Variants in RBM10 observed in about 807,000 individuals in gnomAD.
RBM10 encodes RNA-binding protein 10.
Under a neutral mutation model 84.9 loss-of-function variants are expected in RBM10, and 1 was observed. That is an observed-to-expected ratio of 0.01 (90% confidence interval 0.00 to 0.06). The LOEUF is 0.06. Among genes scored for constraint, RBM10 ranks in the 10% least tolerant of loss-of-function variants. The pLI is 1.00. For synonymous variants in RBM10, 326 were observed against 344.5 expected (o/e 0.95, Z 0.60); for missense variants, 438 against 839.0 (o/e 0.52, Z 5.90).
intron 2 of RBM10, among the ~76,000 whole-genome samples, chrX:47,152,734 A>G (rs1932839494): frequency 9.8e-6 from 1 of 102,420 alleles, no homozygotes; most frequent in Non-Finnish European, 2.0e-5. Context: ...GGCGTGAGCT[A>G]CCGCGCCTGG....
Position 47,180,428 on chromosome X carries a change from C to A in RBM10, c.1170C>A (p.Ala390=), listed in dbSNP as rs782207567. The A allele has an allele frequency of 8.3e-7, 1 of 1,206,234 alleles. No homozygotes were observed. The highest frequency in any genetic ancestry group is 1.1e-6 in the Non-Finnish European group (1 of 893,114). The change falls in exon 12 of 24, where the codon GCC becomes GCA. Residue 390 remains alanine (A), a synonymous_variant. Coordinates refer to ENST00000377604, the MANE Select transcript of RBM10 (RefSeq NM_005676.5). The part of the protein sequence containing the change: ...EFAKGSKRDM[A]SNEGSRISAA... ...CTAACATCCTCCTCAGGGACATGGCCTCCAATGAAGGCAGTCGCATCAGTG... is the reference window on the plus strand; with the variant it reads ...CTAACATCCTCCTCAGGGACATGGCATCCAATGAAGGCAGTCGCATCAGTG...
Position 47,179,089 on chromosome X carries a change from C to A in RBM10, c.664-14C>A, listed in dbSNP as rs1556777416. 1.7e-6 allele frequency: 2 copies of A among 1,206,249 alleles called. No homozygotes were observed. Among genetic ancestry groups the A allele is most frequent in the African/African-American group, 3.5e-5 (2 of 57,756 alleles). On this transcript the variant is annotated splice_polypyrimidine_tract_variant and intron_variant, in intron 7 of 23. Coordinates refer to ENST00000377604, the MANE Select transcript of RBM10 (RefSeq NM_005676.5). ...ATCCCTGCTCCCTCTGACGGCCTGG[C>A]CTGTGCCTCACAGTGTGGCGTCCAG...
chrX:47,155,498 T>C (rs1933026736), intron 2 of RBM10, among the ~76,000 whole-genome samples: 1 of 109,545 alleles, frequency 9.1e-6, no homozygotes, highest in Non-Finnish European at 1.9e-5. Context: ...TTTGGGAGGC[T>C]GAGGTGGGCA....
rs149334023 is a variant in RBM10, at chrX:47,149,647, A to T, written c.17+2149A>T. Among the ~76,000 whole-genome samples the T allele has an allele frequency of 9.2e-3, 1,028 of 111,154 alleles. 12 individuals are homozygous for T. Among genetic ancestry groups the T allele is most frequent in the African/African-American group, 0.032 (981 of 30,528 alleles). ...AGTGCTGGGATTATGGGCATGAGCC[A>T]CCACACCCGGCACAGTGCTGTATTT... On this transcript the variant is annotated intron_variant, in intron 2 of 23. Coordinates refer to ENST00000377604, the MANE Select transcript of RBM10 (RefSeq NM_005676.5).
intron 6 of RBM10, among the ~76,000 whole-genome samples, chrX:47,175,992 G>A (rs1220287057): frequency 8.9e-6 from 1 of 112,963 alleles, no homozygotes; most frequent in Non-Finnish European, 1.9e-5. Flanking sequence ...CATGGGCCCA[G>A]GACCCAGCCA....
chrX:47,174,646 T>C, intron 5 of RBM10, among the ~76,000 whole-genome samples: 1 of 110,751 alleles, frequency 9.0e-6, no homozygotes, highest in Non-Finnish European at 1.9e-5. Context: ...CCTCCCTCCT[T>C]CTTTGGAGGC....
intron 2 of RBM10, among the ~76,000 whole-genome samples, chrX:47,160,911 T>TATGA (rs1371631131): frequency 8.9e-6 from 1 of 112,018 alleles, no homozygotes; most frequent in Non-Finnish European, 1.9e-5. Flanking sequence ...ACGGACAATT[T>TATGA]ATGAATGAAT....
chrX:47,156,879 G>T, intron 2 of RBM10: 1 of 200,620 alleles, frequency 5.0e-6, no homozygotes, highest in East Asian at 1.8e-4. Context: ...GTGCCTCAGT[G>T]GGGCCACATC....
intron 2 of RBM10, among the ~76,000 whole-genome samples, chrX:47,168,638 G>T (rs1934413753): frequency 8.9e-6 from 1 of 111,763 alleles, no homozygotes; most frequent in African/African-American, 3.2e-5. Flanking sequence ...TGAAAGAGCT[G>T]CTAGTGTCGG....
rs1556779053 is a variant in RBM10, at chrX:47,181,263, G to A, written c.1297G>A (p.Val433Ile). 2 of 1,174,182 alleles carry A rather than the reference G, an allele frequency of 1.7e-6. No individual in the cohort carries two copies. Among genetic ancestry groups the A allele is most frequent in the Non-Finnish European group, 2.3e-6 (2 of 877,283 alleles). ...GTWATSEEPPVDYSYYQQDEG... is the reference protein window; with the variant it reads ...GTWATSEEPPIDYSYYQQDEG... ...CTGGGCCACCTCCGAGGAGCCGCCG[G>A]TCGACTACAGCTACTACCAACAGGA... The change falls in exon 13 of 24, where the codon GTC becomes ATC. Residue 433 changes from valine to isoleucine, a missense_variant. By Grantham distance (29) the Val-to-Ile change is conservative. Coordinates refer to ENST00000377604, the MANE Select transcript of RBM10 (RefSeq NM_005676.5).
intron 2 of RBM10, among the ~76,000 whole-genome samples, chrX:47,164,169 G>A (rs1341969035): frequency 9.0e-6 from 1 of 110,851 alleles, no homozygotes; most frequent in East Asian, 2.8e-4. Context: ...GTGCCTGGCC[G>A]ATTAGAAACT....
At chrX:47,167,304 A>G (rs1283581680) in intron 2 of RBM10, among the ~76,000 whole-genome samples, 8 of 108,254 alleles carry the variant, frequency 7.4e-5, no homozygotes, top group African/African-American at 2.7e-4. Context: ...CTGGATTTGG[A>G]TTATAGGTTT....
chrX:47,179,134 A>C lies in RBM10; in HGVS notation c.695A>C (p.Lys232Thr). ...GTCCAGAACTTCAAACGCCGAGAGA[A>C]GTGCTTCAAATGTGGCGTGCCCAAG... is the stretch of plus-strand genomic sequence containing the variant. ...CGVQNFKRREKCFKCGVPKSE... is the reference protein window; with the variant it reads ...CGVQNFKRRETCFKCGVPKSE... The change falls in exon 8 of 24, where the codon AAG becomes ACG. Residue 232 changes from lysine (K) to threonine (T), a missense_variant. Physicochemically the swap from Lys to Thr is moderately conservative, Grantham distance 78 (BLOSUM62 -1). This residue lies in a region of RBM10 where 28 missense variants were observed against 98.6 expected (regional missense o/e 0.28). Transcript: ENST00000377604. The C allele has an allele frequency of 8.3e-7, 1 of 1,209,697 alleles. No homozygotes were observed. The highest frequency in any genetic ancestry group is 1.1e-6 in the Non-Finnish European group (1 of 894,399).
intron 2 of RBM10, among the ~76,000 whole-genome samples, chrX:47,167,647 ATGGTTTCATTTCTTATGTTTAAATC>A (rs1602546173): frequency 8.9e-6 from 1 of 112,335 alleles, no homozygotes; most frequent in Non-Finnish European, 1.9e-5. Context: ...CGCCTGGCCT[ATGGTTTCATTTCTTATGTTTAAATC>A]TTTGATCTAT....
At chrX:47,170,665 G>T (rs1301331396) in intron 3 of RBM10, among the ~76,000 whole-genome samples, 2 of 112,354 alleles carry the variant, frequency 1.8e-5, no homozygotes, top group African/African-American at 3.2e-5. Context: ...CACCCCCTGA[G>T]CTGGCCAGAG....
At chrX:47,173,093 G>A (rs1182828308) in intron 4 of RBM10, 35 bp from the exon 5 acceptor site, 1 of 1,210,391 alleles carries the variant, frequency 8.3e-7, no homozygotes, top group East Asian at 3.0e-5. Context: ...GCCCCATTGT[G>A]CTGAGCCTGC....
At chrX:47,154,997 A>C (rs1327408190) in intron 2 of RBM10, among the ~76,000 whole-genome samples, 2 of 107,254 alleles carry the variant, frequency 1.9e-5, no homozygotes, top group East Asian at 6.1e-4. Flanking sequence ...AATACAAAAA[A>C]TTAGCTGGGT....
In RBM10 at chrX:47,169,852, G is replaced by A. The variant is rs781930530; in HGVS notation, c.201+354G>A. Among the ~76,000 whole-genome samples the A allele has an allele frequency of 1.7e-4, 19 of 112,295 alleles. No individual in the cohort carries two copies. In the East Asian group the frequency reaches 4.0e-3, roughly 23 times the overall value. Reference sequence around the variant, plus strand: ...AAGAGCCTCTTCCATGGGACCCGGCGTCTGGGGTTGGGAGGACAACAAGGG... The same window carrying A: ...AAGAGCCTCTTCCATGGGACCCGGCATCTGGGGTTGGGAGGACAACAAGGG... On this transcript the variant is annotated intron_variant, in intron 3 of 23. Transcript: ENST00000377604.
chrX:47,166,467 C>T (rs1245818595), intron 2 of RBM10, among the ~76,000 whole-genome samples: 1 of 110,848 alleles, frequency 9.0e-6, no homozygotes, highest in African/African-American at 3.3e-5. Context: ...ATCTTTCTCT[C>T]TCTCTTTTTT....
Sources: gnomAD v4.1 joint callset for allele counts (sites outside exome capture counted in the v4.1 genomes callset) on GRCh38, gnomAD v4.1.1 for gene constraint, gnomAD v4.1.1 regional missense constraint, MANE v1.5 for transcripts, NCBI Gene and HGNC (gene_info 2026-07-23, HGNC 2026-07-21) for gene names.